Variants in OCA2 observed in about 807,000 individuals in gnomAD.
OCA2 encodes OCA2 melanosomal transmembrane protein.
A neutral mutation model predicts 100.2 loss-of-function variants in OCA2; 77 were observed. The observed-to-expected ratio is 0.77, with a 90% CI of 0.64 to 0.93. The LOEUF (loss-of-function observed/expected upper bound fraction) is 0.93, where lower values mean the gene tolerates loss of function less well. Ranked by LOEUF, OCA2 falls within the 40% of genes least tolerant of loss-of-function variation. OCA2 has a pLI of 0.00. For synonymous variants in OCA2, 432 were observed against 439.2 expected, an observed-to-expected ratio of 0.98 and a Z score of 0.21; for missense variants, 1,062 against 1,089.1, an observed-to-expected ratio of 0.98 and a Z score of 0.35.
chr15:28,084,858 C>T (rs936577924), intron 1 of OCA2, among the ~76,000 whole-genome samples: 23 of 152,238 alleles, frequency 1.5e-4, no homozygotes, highest in Admixed American at 1.4e-3. Flanking sequence ...GTTGGCTTGC[C>T]TTTTCAGGCA....
chr15:27,742,459 C>T, the OCA2 span, among the ~76,000 whole-genome samples: 2 of 152,108 alleles, frequency 1.3e-5, no homozygotes, highest in Admixed American at 6.5e-5. Flanking sequence ...GGGACAAAAG[C>T]CAATCACCTC....
intron 23 of OCA2, among the ~76,000 whole-genome samples, chr15:27,799,953 G>C (rs1036519289): frequency 7.9e-5 from 12 of 152,126 alleles, no homozygotes; most frequent in Non-Finnish European, 1.3e-4. Flanking sequence ...GAAGGGGCCA[G>C]AGCACATGAA....
At chr15:28,062,102 T>C (rs553407487) in intron 2 of OCA2, among the ~76,000 whole-genome samples, 1 of 152,356 alleles carries the variant, frequency 6.6e-6, no homozygotes, top group Non-Finnish European at 1.5e-5. Flanking sequence ...AAATGCTGTA[T>C]CAAATGGCAA....
intron 23 of OCA2, among the ~76,000 whole-genome samples, chr15:27,829,301 A>ATAGATAGATAGATAGATAGT (rs1555412967): frequency 0.1 from 15,844 of 151,074 alleles, 958 homozygotes; most frequent in East Asian, 0.18. Flanking sequence ...AGATAGATAG[A>ATAGATAGATAGATAGATAGT]TAGATAGATA....
intron 22 of OCA2, 36 bp downstream of exon 22, chr15:27,851,342 GGCGT>G: frequency 6.6e-7 from 1 of 1,521,620 alleles, no homozygotes; most frequent in Non-Finnish European, 9.1e-7. Flanking sequence ...CCACAGTGTG[GGCGT>G]GCACCCCCAC....
intron 19 of OCA2, among the ~76,000 whole-genome samples, chr15:27,878,686 G>A (rs2036888328): frequency 6.6e-6 from 1 of 152,022 alleles, no homozygotes; most frequent in South Asian, 2.1e-4. Flanking sequence ...GTCTAGGCAT[G>A]TTTTCCTTTA....
intron 23 of OCA2, among the ~76,000 whole-genome samples, chr15:27,759,578 G>C (rs1291886044): frequency 6.6e-6 from 1 of 151,878 alleles, no homozygotes; most frequent in Non-Finnish European, 1.5e-5. Flanking sequence ...AAGGCAGAGA[G>C]GGATATTGCA....
intron 1 of OCA2, among the ~76,000 whole-genome samples, chr15:28,083,646 G>A (rs1457242798): frequency 6.6e-6 from 1 of 152,158 alleles, no homozygotes; most frequent in Non-Finnish European, 1.5e-5. Context: ...ATATAAAGAT[G>A]ACTAGTAAAA....
intron 19 of OCA2, among the ~76,000 whole-genome samples, chr15:27,902,194 T>C (rs1259006791): frequency 7.1e-6 from 1 of 140,546 alleles, no homozygotes; most frequent in Non-Finnish European, 1.5e-5. Flanking sequence ...TTTGAAGTCA[T>C]GAAAAAAAAG....
At chr15:27,858,135 G>A (rs2036006506) in intron 21 of OCA2, among the ~76,000 whole-genome samples, 1 of 152,064 alleles carries the variant, frequency 6.6e-6, no homozygotes. Flanking sequence ...AATTGTAAAT[G>A]GATTAAACTC....
chr15:27,738,104 A>G, the OCA2 span, among the ~76,000 whole-genome samples: 5 of 152,352 alleles, frequency 3.3e-5, no homozygotes, highest in Admixed American at 1.3e-4. Flanking sequence ...AAAACTATGT[A>G]CTAATCTTGA....
At chr15:27,863,228 C>A (rs1340233483) in intron 21 of OCA2, among the ~76,000 whole-genome samples, 1 of 152,168 alleles carries the variant, frequency 6.6e-6, no homozygotes, top group Admixed American at 6.5e-5. Context: ...ATGCTGCAGT[C>A]GGCTCCTGGC....
intron 23 of OCA2, among the ~76,000 whole-genome samples, chr15:27,835,546 T>C (rs11852452): frequency 0.66 from 100,601 of 152,158 alleles, 34,531 homozygotes; most frequent in East Asian, 0.96. Flanking sequence ...TCCATGAAGA[T>C]GGTAGAGTTA....
At chr15:27,826,976 C>A (rs1257496981) in intron 23 of OCA2, among the ~76,000 whole-genome samples, 1 of 152,246 alleles carries the variant, frequency 6.6e-6, no homozygotes, top group Non-Finnish European at 1.5e-5. Flanking sequence ...TCCTGCCCTC[C>A]GCATGGTCTC....
intron 2 of OCA2, among the ~76,000 whole-genome samples, chr15:28,066,188 C>CA (rs1360347153): frequency 6.6e-6 from 1 of 152,182 alleles, no homozygotes; most frequent in Non-Finnish European, 1.5e-5. Flanking sequence ...ATAAATCTTA[C>CA]AAAATATGTC....
chr15:27,986,664 C>A (rs1299571531), intron 11 of OCA2, 21 bp from the exon 12 acceptor site: 1 of 1,470,282 alleles, frequency 6.8e-7, no homozygotes, highest in African/African-American at 1.4e-5. Flanking sequence ...AAGAAGAAGA[C>A]AAGGATAATC....
chr15:27,818,355 C>G (rs528095292), intron 23 of OCA2, among the ~76,000 whole-genome samples: 2 of 152,182 alleles, frequency 1.3e-5, no homozygotes, highest in African/African-American at 4.8e-5. Flanking sequence ...CACCACCGCA[C>G]TCCAGCCTGG....
intron 3 of OCA2, among the ~76,000 whole-genome samples, chr15:28,029,511 G>T (rs1311836627): frequency 1.3e-5 from 2 of 151,816 alleles, no homozygotes; most frequent in Non-Finnish European, 2.9e-5. Flanking sequence ...TGATAGAAAT[G>T]TTCGCTTCCC....
At chr15:28,026,573 G>C (rs557594687) in intron 4 of OCA2, among the ~76,000 whole-genome samples, 2 of 152,316 alleles carry the variant, frequency 1.3e-5, no homozygotes, top group South Asian at 4.1e-4. Flanking sequence ...GTCAAGCAGC[G>C]ATGTGGGGGA....
Sources: gnomAD v4.1 joint callset for allele counts (sites outside exome capture counted in the v4.1 genomes callset) on GRCh38, gnomAD v4.1.1 for gene constraint, MANE v1.5 for transcripts, NCBI Gene and HGNC (gene_info 2026-07-23, HGNC 2026-07-21) for gene names.